Variants in MAD1L1 observed in about 807,000 individuals in gnomAD.
MAD1L1 encodes the protein mitotic spindle assembly checkpoint protein MAD1.
Under a neutral mutation model 96.9 loss-of-function variants are expected in MAD1L1, and 95 were observed. That is an observed-to-expected ratio of 0.98 (90% CI 0.83 to 1.16). MAD1L1 has a LOEUF of 1.16. MAD1L1 is among the 50% of genes most tolerant of loss of function. The pLI is 0.00. For synonymous variants in MAD1L1, 473 were observed against 396.6 expected (o/e 1.19, Z -2.29); for missense variants, 1,007 against 954.4 (o/e 1.06, Z -0.73).
At chr7:2,046,966 C>A (rs781566305) in intron 12 of MAD1L1, among the ~76,000 whole-genome samples, 1 of 152,216 alleles carries the variant, frequency 6.6e-6, no homozygotes, top group African/African-American at 2.4e-5. Context: ...CACTCACAGA[C>A]GACAAAGGAA....
chr7:1,859,781 G>A (rs1032409658), intron 18 of MAD1L1, among the ~76,000 whole-genome samples: 1 of 152,054 alleles, frequency 6.6e-6, no homozygotes, highest in African/African-American at 2.4e-5. Flanking sequence ...ATCCTGCAGG[G>A]CGGCCTCTGT....
intron 13 of MAD1L1, among the ~76,000 whole-genome samples, chr7:2,004,682 C>G (rs58313308): frequency 0.02 from 3,113 of 152,340 alleles, 113 homozygotes; most frequent in African/African-American, 0.072. Context: ...TCCGGCGCCA[C>G]GCGGGCAGGC....
chr7:1,954,550 G>T (rs1779641232), intron 16 of MAD1L1, among the ~76,000 whole-genome samples: 1 of 152,190 alleles, frequency 6.6e-6, no homozygotes. Flanking sequence ...GTGGGGTCAG[G>T]GACTGTGCCG....
At chr7:2,060,451 C>CCGAGATAACGCTGATGT (rs1347994994) in intron 12 of MAD1L1, among the ~76,000 whole-genome samples, 1 of 152,048 alleles carries the variant, frequency 6.6e-6, no homozygotes, top group East Asian at 1.9e-4. Context: ...AACGCCGATG[C>CCGAGATAACGCTGATGT]CGAGATAACG....
At chr7:2,115,175 G>A (rs570197394) in intron 11 of MAD1L1, among the ~76,000 whole-genome samples, 219 of 152,362 alleles carry the variant, frequency 1.4e-3, no homozygotes, top group African/African-American at 4.8e-3. Flanking sequence ...TTCACACCAC[G>A]GGGCGCTGGC....
chr7:1,913,947 G>A (rs1490261336), intron 17 of MAD1L1, among the ~76,000 whole-genome samples: 5 of 152,130 alleles, frequency 3.3e-5, no homozygotes, highest in South Asian at 4.1e-4. Context: ...TGGAGGGAAC[G>A]CCCCATGTCC....
At chr7:1,869,646 G>T (rs1406971426) in intron 18 of MAD1L1, among the ~76,000 whole-genome samples, 2 of 152,202 alleles carry the variant, frequency 1.3e-5, no homozygotes, top group African/African-American at 2.4e-5. Context: ...TCCAGCTGCC[G>T]AAGGGTAATT....
chr7:2,087,415 C>T (rs953842683), intron 11 of MAD1L1, among the ~76,000 whole-genome samples: 4 of 152,132 alleles, frequency 2.6e-5, no homozygotes, highest in African/African-American at 9.7e-5. Flanking sequence ...TGGCGCGCGC[C>T]TGTAATCTCA....
chr7:2,160,838 G>C (rs1790070927), intron 10 of MAD1L1, among the ~76,000 whole-genome samples: 1 of 152,068 alleles, frequency 6.6e-6, no homozygotes, highest in Admixed American at 6.5e-5. Flanking sequence ...TACAATAGCT[G>C]TTCAATAAGT....
intron 11 of MAD1L1, among the ~76,000 whole-genome samples, chr7:2,087,914 G>C (rs898002623): frequency 1.3e-5 from 2 of 152,206 alleles, no homozygotes; most frequent in African/African-American, 4.8e-5. Flanking sequence ...CCACAACAGC[G>C]TGTGGGGAGA....
intron 12 of MAD1L1, among the ~76,000 whole-genome samples, chr7:2,042,781 T>C (rs2128511834): frequency 6.6e-6 from 1 of 152,318 alleles, no homozygotes; most frequent in South Asian, 2.1e-4. Flanking sequence ...ATGCCGGCGC[T>C]GTGCTTCCTG....
At chr7:2,014,865 C>T (rs138309572) in intron 12 of MAD1L1, among the ~76,000 whole-genome samples, 3 of 152,358 alleles carry the variant, frequency 2.0e-5, no homozygotes, top group Admixed American at 6.5e-5. Flanking sequence ...GGCTTTGCCT[C>T]GGCACCCGCT....
At chr7:2,031,171 GGAA>G (rs1783209209) in intron 12 of MAD1L1, among the ~76,000 whole-genome samples, 2 of 152,152 alleles carry the variant, frequency 1.3e-5, no homozygotes, top group Admixed American at 6.5e-5. Context: ...CGCTCAGAGA[GGAA>G]GCACGGGGTC....
At chr7:2,210,979 G>C (rs189264440) in intron 10 of MAD1L1, among the ~76,000 whole-genome samples, 1 of 152,214 alleles carries the variant, frequency 6.6e-6, no homozygotes, top group Non-Finnish European at 1.5e-5. Flanking sequence ...TCAATAAAGA[G>C]AACACTGGCC....
chr7:1,946,609 G>A (rs959424438), intron 16 of MAD1L1, among the ~76,000 whole-genome samples: 1 of 152,248 alleles, frequency 6.6e-6, no homozygotes, highest in African/African-American at 2.4e-5. Flanking sequence ...GAGCGAGCAG[G>A]CGCTCTGGTG....
chr7:2,232,667 G>A (rs927134119), intron 1 of MAD1L1, among the ~76,000 whole-genome samples: 6 of 152,186 alleles, frequency 3.9e-5, no homozygotes, highest in Admixed American at 6.5e-5. Context: ...TGGGGACAGG[G>A]GAGTGGGGAG....
intron 14 of MAD1L1, among the ~76,000 whole-genome samples, chr7:1,985,197 C>A (rs768735184): frequency 6.6e-6 from 1 of 152,206 alleles, no homozygotes; most frequent in Non-Finnish European, 1.5e-5. Flanking sequence ...CGGCCCCGGG[C>A]AGCATGGGTA....
At chr7:1,898,099 T>A in intron 18 of MAD1L1, 101 bp downstream of exon 18, 1 of 1,266,724 alleles carries the variant, frequency 7.9e-7, no homozygotes, top group Non-Finnish European at 1.1e-6. Context: ...CCATCCCCTT[T>A]GGACGCGAGG....
intron 12 of MAD1L1, among the ~76,000 whole-genome samples, chr7:2,045,903 G>T (rs1328642051): frequency 6.6e-6 from 1 of 152,184 alleles, no homozygotes. Flanking sequence ...CCCCCATGGA[G>T]CTGAGCCATC....
Sources: allele counts gnomAD v4.1 joint callset (sites outside exome capture counted in the v4.1 genomes callset), GRCh38; gene constraint gnomAD v4.1.1; transcripts MANE v1.5; gene names NCBI Gene and HGNC (gene_info 2026-07-23, HGNC 2026-07-21).